The following ZNF460 variants were observed in gnomAD, a reference collection of about 807,000 sequenced individuals.
ZNF460 encodes zinc finger protein 272.
A neutral mutation model predicts 8.4 loss-of-function variants in ZNF460; 1 was observed. The ratio of observed to expected loss-of-function variants is 0.12; its 90% confidence interval spans 0.04 to 0.56. The LOEUF (loss-of-function observed/expected upper bound fraction) is 0.56. Ranked by LOEUF, ZNF460 falls within the 20% of genes least tolerant of loss-of-function variation. ZNF460 has a pLI of 0.91. For synonymous variants in ZNF460, 262 were observed against 259.9 expected, an observed-to-expected ratio of 1.01 and a Z score of -0.08; for missense variants, 477 against 714.8, an observed-to-expected ratio of 0.67 and a Z score of 3.79.
At chr19:57,286,733 G>A (rs970665488) in intron 2 of ZNF460, among the ~76,000 whole-genome samples, 3 of 151,060 alleles carry the variant, frequency 2.0e-5, no homozygotes, top group Non-Finnish European at 4.4e-5. Flanking sequence ...AGGCTGAGGC[G>A]GGTGGATCTC....
Position 57,280,541 on chromosome 19 carries a change from C to A in ZNF460, c.-266C>A. 1.8e-6 allele frequency: 1 copy of A among 553,080 alleles called. No homozygotes were observed. The highest frequency in any genetic ancestry group is 3.2e-6 in the Non-Finnish European group (1 of 308,410). The allele number at this position is 553,080 out of a possible 1,614,324, so 34.3% of individuals were successfully genotyped here. On this transcript the variant is annotated 5_prime_UTR_variant, in exon 1 of 3. Transcript: ENST00000360338. ...GCGCGTTCTGCGGCCTGAGCAGGGA[C>A]GGGTAGTGAAGCGGTTACGCCCCTT... is the stretch of plus-strand genomic sequence containing the variant.
upstream of ZNF460, chr19:57,280,407 T>G: frequency 1.7e-5 from 4 of 228,704 alleles, no homozygotes; most frequent in South Asian, 5.8e-5. Context: ...GACAGGAGAG[T>G]TTTCTGCGGG....
At chr19:57,281,108 G>C (rs147668639) in intron 1 of ZNF460, among the ~76,000 whole-genome samples, 1 of 152,032 alleles carries the variant, frequency 6.6e-6, no homozygotes, top group Admixed American at 6.6e-5. Flanking sequence ...CTGCCAGCCC[G>C]TACCCCATCC....
intron 1 of ZNF460, among the ~76,000 whole-genome samples, chr19:57,283,882 A>G (rs1600022930): frequency 1.3e-5 from 2 of 152,244 alleles, no homozygotes; most frequent in South Asian, 2.1e-4. Flanking sequence ...GAGGTCCCCA[A>G]GGTCACATAG....
intron 2 of ZNF460, among the ~76,000 whole-genome samples, chr19:57,290,224 G>A (rs1240211911): frequency 6.6e-6 from 1 of 152,108 alleles, no homozygotes; most frequent in African/African-American, 2.4e-5. Context: ...GCAGATCCCG[G>A]GTGATCCGCC....
rs112083299 is a variant in ZNF460, at chr19:57,292,288, C to T, written c.*58C>T. On this transcript the variant is annotated 3_prime_UTR_variant, in exon 3 of 3. Transcript: ENST00000360338. ...GTCAACATCCAAGAATTCCTATTAG[C>T]GAAATAGTTTTTTAATATAACCACT... The T allele has an allele frequency of 2.3e-5, 35 of 1,508,282 alleles. No individual in the cohort carries two copies. The highest frequency in any genetic ancestry group is 6.8e-5 in the East Asian group (3 of 44,018). The allele number at this position is 1,508,282 out of a possible 1,614,324, so 93.4% of individuals were successfully genotyped here.
chr19:57,287,628 C>T (rs908744980), intron 2 of ZNF460, among the ~76,000 whole-genome samples: 9 of 152,124 alleles, frequency 5.9e-5, no homozygotes, highest in Admixed American at 1.3e-4. Flanking sequence ...TGGGTGTGTT[C>T]AGCTTTAAAA....
Position 57,291,122 on chromosome 19 carries a change from A to G in ZNF460, c.581A>G (p.Lys194Arg), listed in dbSNP as rs913708682. ...VQHEQILPRV[K>R]PYDCPECGKA... ...CATGAGCAGATTCTCCCTCGTGTGA[A>G]GCCCTATGATTGCCCAGAATGTGGG... The change falls in exon 3 of 3, where the codon AAG becomes AGG. Residue 194 changes from lysine (K) to arginine (R), a missense_variant. By Grantham distance (26) the Lys-to-Arg change is conservative. This residue lies in a region of ZNF460 where 169 missense variants were observed against 178.6 expected (regional missense o/e 0.95). Coordinates refer to ENST00000360338, the MANE Select transcript of ZNF460 (RefSeq NM_006635.4). The surrounding 1 kb of genome is among the most constrained non-coding windows in gnomAD (Gnocchi z 8.4). The G allele has an allele frequency of 4.3e-6, 7 of 1,614,216 alleles. No homozygotes were observed. The highest frequency in any genetic ancestry group is 5.9e-6 in the Non-Finnish European group (7 of 1,180,046).
intron 2 of ZNF460, among the ~76,000 whole-genome samples, chr19:57,289,533 CA>C (rs2087901471): frequency 6.6e-6 from 1 of 152,156 alleles, no homozygotes. Flanking sequence ...TTCTAGGCTA[CA>C]TTAAGTGCCC....
rs764730307 is a variant in ZNF460, at chr19:57,290,942, G to A, written c.401G>A (p.Gly134Asp). 6 of 1,614,208 alleles carry A rather than the reference G, an allele frequency of 3.7e-6. No individual in the cohort carries two copies. Among genetic ancestry groups the A allele is most frequent in the Non-Finnish European group, 5.1e-6 (6 of 1,180,038 alleles). Reference protein sequence around the residue: ...LEHEGLATADGICSMMIQNQV... With the variant: ...LEHEGLATADDICSMMIQNQV... The stretch of plus-strand genomic sequence containing the variant: ...CACGAAGGTTTGGCGACAGCTGATG[G>A]TATTTGTTCAATGATGATACAGAAC... Residue 134 changes from glycine to aspartate, a missense_variant, in exon 3 of 3, where the codon GGT becomes GAT. This residue lies in a region of ZNF460 where 169 missense variants were observed against 178.6 expected (regional missense o/e 0.95). Coordinates refer to ENST00000360338, the MANE Select transcript of ZNF460 (RefSeq NM_006635.4).
Position 57,284,673 on chromosome 19 carries a change from A to ACTGGGTAAGGCCTGTC in ZNF460, c.156_157+14dup. The ACTGGGTAAGGCCTGTC allele has an allele frequency of 6.2e-7, 1 of 1,609,806 alleles. No homozygotes were observed. Among genetic ancestry groups the ACTGGGTAAGGCCTGTC allele is most frequent in the Non-Finnish European group, 8.5e-7 (1 of 1,177,880 alleles). On this transcript the variant is annotated frameshift_variant, in exon 2 of 3. Coordinates refer to ENST00000360338, the MANE Select transcript of ZNF460 (RefSeq NM_006635.4). LOFTEE classifies it low-confidence loss of function (END_TRUNC). ...TGGAGACCTGTGGGCTTCTGGTCGC[A>ACTGGGTAAGGCCTGTC]CTGGGTAAGGCCTGTCCTCTCCTCT... is the stretch of plus-strand genomic sequence containing the variant.
At chr19:57,290,014 C>T (rs2087905396) in intron 2 of ZNF460, among the ~76,000 whole-genome samples, 2 of 151,974 alleles carry the variant, frequency 1.3e-5, no homozygotes, top group Admixed American at 1.3e-4. Flanking sequence ...GTGGCGCACA[C>T]CTGTAATCCC....
rs373519128 is a variant in ZNF460, at chr19:57,291,293, C to T, written c.752C>T (p.Pro251Leu). The T allele has an allele frequency of 1.2e-6, 2 of 1,613,812 alleles. No homozygotes were observed. Among genetic ancestry groups the T allele is most frequent in the Non-Finnish European group, 1.7e-6 (2 of 1,180,002 alleles). ...RHQRTHNGDK[P>L]FVCSECGRTF... ...CAGCGGACTCACAATGGAGATAAGC[C>T]CTTTGTGTGCAGTGAATGTGGAAGG... Residue 251 changes from proline to leucine, a missense_variant, in exon 3 of 3, where the codon CCC becomes CTC. Around this residue, in one of 5 missense-constraint regions of ZNF460, gnomAD observed 193 missense variants for 391.7 expected, o/e 0.49. Transcript: ENST00000360338. The surrounding 1 kb of genome is among the most constrained non-coding windows in gnomAD (Gnocchi z 8.4).
chr19:57,291,969 T>A lies in ZNF460; in HGVS notation c.1428T>A (p.Tyr476Ter). Residue 476 changes from tyrosine to a stop codon, truncating the protein, a stop_gained, in exon 3 of 3, where the codon TAT (tyrosine) becomes TAA (stop). Transcript: ENST00000360338. LOFTEE classifies it low-confidence loss of function (END_TRUNC). This position sits in a 1 kb window ranked among gnomAD's most constrained non-coding sequence, Gnocchi z 8.4. ...GCATCCACACTGGAGAGAAGCCCTA[T>A]GAATGCGTGGAGTGCGGGAAGGCCT... ...HFSIHTGEKP[Y>*]ECVECGKAFN... is the part of the protein sequence containing the mutation. The A allele has an allele frequency of 1.2e-6, 2 of 1,614,062 alleles. No homozygotes were observed. The highest frequency in any genetic ancestry group is 1.7e-6 in the Non-Finnish European group (2 of 1,179,996).
chr19:57,282,863 T>C (rs1395336868), intron 1 of ZNF460, among the ~76,000 whole-genome samples: 2 of 152,018 alleles, frequency 1.3e-5, no homozygotes, highest in African/African-American at 2.4e-5. Context: ...TGGCATCATG[T>C]GCCTGTAGTC....
rs745659297 is a variant in ZNF460, at chr19:57,292,099, A to G, written c.1558A>G (p.Ile520Val). The G allele has an allele frequency of 6.2e-7, 1 of 1,613,928 alleles. No individual in the cohort carries two copies. The highest frequency in any genetic ancestry group is 1.1e-5 in the South Asian group (1 of 91,080). Reference protein sequence around the residue: ...GNVSCESTDLIQHSIIHTESS... With the variant: ...GNVSCESTDLVQHSIIHTESS... The stretch of plus-strand genomic sequence containing the variant: ...CGTTTCTTGTGAGAGCACAGATCTC[A>G]TTCAACACTCCATCATCCACACTGA... The change falls in exon 3 of 3, where the codon ATT becomes GTT. Residue 520 changes from isoleucine (I) to valine (V), a missense_variant. Physicochemically the swap from Ile to Val is conservative, Grantham distance 29. This residue lies in a region of ZNF460 where 83 missense variants were observed against 82.3 expected (regional missense o/e 1.01). Transcript: ENST00000360338.
intron 1 of ZNF460, among the ~76,000 whole-genome samples, chr19:57,283,272 C>T (rs555684524): frequency 4.6e-5 from 7 of 151,710 alleles, no homozygotes; most frequent in Non-Finnish European, 1.0e-4. Flanking sequence ...GACGTTCAAG[C>T]GATTCTCCTG....
chr19:57,291,674 C>T lies in ZNF460; in HGVS notation c.1133C>T (p.Thr378Ile). The change falls in exon 3 of 3, where the codon ACC (threonine) becomes ATC (isoleucine). Residue 378 changes from threonine to isoleucine, a missense_variant. Thr to Ile is a moderately conservative substitution (Grantham distance 89). Transcript: ENST00000360338. The surrounding 1 kb of genome is among the most constrained non-coding windows in gnomAD (Gnocchi z 8.4). The stretch of plus-strand genomic sequence containing the variant: ...GGAAAGGCCTTCACTCACTATTCCA[C>T]CTATGTCCTGCATGAAAGAGCCCAC... ...QCGKAFTHYS[T>I]YVLHERAHTG... is the part of the protein sequence containing the mutation. The T allele has an allele frequency of 1.2e-6, 2 of 1,613,922 alleles. No homozygotes were observed. Among genetic ancestry groups the T allele is most frequent in the East Asian group, 2.2e-5 (1 of 44,838 alleles).
At position 57,291,013 on chromosome 19, in the gene ZNF460, C is replaced by T. The variant is rs2087913671; in HGVS notation, c.472C>T (p.Pro158Ser). ...DALYGFDSYG[P>S]VTDSLIHEGE... ...TCTCTATGGATTTGACTCATATGGA[C>T]CAGTTACAGATTCCTTGATTCATGA... is the stretch of plus-strand genomic sequence containing the variant. Residue 158 changes from proline (P) to serine (S), a missense_variant, in exon 3 of 3, where the codon CCA (proline) becomes TCA (serine). Around this residue, in one of 5 missense-constraint regions of ZNF460, gnomAD observed 169 missense variants for 178.6 expected, o/e 0.95. Transcript: ENST00000360338. The surrounding 1 kb of genome is among the most constrained non-coding windows in gnomAD (Gnocchi z 8.4). The T allele has an allele frequency of 6.2e-7, 1 of 1,614,032 alleles. No individual in the cohort carries two copies. The highest frequency in any genetic ancestry group is 1.3e-5 in the African/African-American group (1 of 74,908).
Sources: gnomAD v4.1 joint callset for allele counts (sites outside exome capture counted in the v4.1 genomes callset) on GRCh38, gnomAD v4.1.1 for gene constraint, gnomAD v4.1.1 regional missense constraint, Gnocchi (gnomAD v3.1) non-coding constraint, MANE v1.5 for transcripts, NCBI Gene and HGNC (gene_info 2026-07-23, HGNC 2026-07-21) for gene names.